Variants in AGAP1 observed in about 807,000 individuals in gnomAD.
AGAP1 encodes the protein ArfGAP with GTPase domain, ankyrin repeat and PH domain 1.
In AGAP1, 29 loss-of-function variants were observed where a neutral mutation model predicts 105.3. That is an observed-to-expected ratio of 0.28 (90% CI 0.21 to 0.38). AGAP1 has a LOEUF of 0.38. Among genes scored for constraint, AGAP1 ranks in the 10% least tolerant of loss-of-function variants. The pLI is 1.00. For missense variants in AGAP1, 998 were observed against 1,165.1 expected (o/e 0.86, Z 2.09); for synonymous variants, 509 against 485.9 (o/e 1.05, Z -0.63).
chr2:236,130,022 A>T lies in AGAP1; in HGVS notation c.*5900A>T, dbSNP rs2060061577. 2 of 152,362 alleles carry T rather than the reference A, an allele frequency of 1.3e-5. No homozygotes were observed. The highest frequency in any genetic ancestry group is 4.1e-4 in the South Asian group (2 of 4,828). The allele number at this position is 152,362 out of a possible 1,614,324, so 9.4% of individuals were successfully genotyped here. ...TGTCTGAGGTCCTCACCCTCTACAGATGGGCCTCAGGGCCTGGAGGTGGGC... is the reference window on the plus strand; with the variant it reads ...TGTCTGAGGTCCTCACCCTCTACAGTTGGGCCTCAGGGCCTGGAGGTGGGC... On this transcript the variant is annotated 3_prime_UTR_variant, in exon 18 of 18. Transcript: ENST00000304032. The surrounding 1 kb of genome is among the most constrained non-coding windows in gnomAD (Gnocchi z 5.8).
intron 13 of AGAP1, among the ~76,000 whole-genome samples, chr2:236,007,683 G>A (rs564494328): frequency 6.6e-6 from 1 of 152,308 alleles, no homozygotes; most frequent in African/African-American, 2.4e-5. Flanking sequence ...TTCTGTTAGA[G>A]GAGATTAAAA....
At chr2:235,696,612 G>A (rs1950009637) in intron 1 of AGAP1, among the ~76,000 whole-genome samples, 1 of 152,196 alleles carries the variant, frequency 6.6e-6, no homozygotes, top group Non-Finnish European at 1.5e-5. Context: ...GATTTGCTGA[G>A]CATTACAACC....
At chr2:235,800,714 G>C (rs1344524307) in intron 8 of AGAP1, among the ~76,000 whole-genome samples, 2 of 152,190 alleles carry the variant, frequency 1.3e-5, no homozygotes, top group Admixed American at 1.3e-4. Context: ...GAAACTTTGG[G>C]CTCTCACAAC....
rs1446359115 is a variant in AGAP1, at chr2:235,747,350, A to T, written c.538+2511A>T. Among the ~76,000 whole-genome samples, 1 of 152,106 alleles carries T rather than the reference A, an allele frequency of 6.6e-6. No homozygotes were observed. Among genetic ancestry groups the T allele is most frequent in the East Asian group, 1.9e-4 (1 of 5,180 alleles). ...AATTCCATGAACATCCGTTGATCGG[A>T]TGTGGAAAGATGCCCAGGAAGGCCC... On this transcript the variant is annotated intron_variant, in intron 5 of 17. Coordinates refer to ENST00000304032, the MANE Select transcript of AGAP1 (RefSeq NM_001037131.3). This position sits in a 1 kb window ranked among gnomAD's most constrained non-coding sequence, Gnocchi z 5.0.
chr2:235,921,187 C>G (rs886725978), intron 11 of AGAP1, among the ~76,000 whole-genome samples: 1 of 151,788 alleles, frequency 6.6e-6, no homozygotes, highest in Non-Finnish European at 1.5e-5. Flanking sequence ...TGGAAACAAC[C>G]AAAACTATCC....
intron 14 of AGAP1, among the ~76,000 whole-genome samples, chr2:236,037,795 T>G (rs1164591650): frequency 6.6e-6 from 1 of 152,192 alleles, no homozygotes. Context: ...TTTCATTATT[T>G]TAATGTTTGT....
In AGAP1 at chr2:236,009,015, G is replaced by A. The variant is rs571028672; in HGVS notation, c.1646-27546G>A. 6.6e-5 allele frequency among the ~76,000 whole-genome samples: 10 copies of A among 152,224 alleles called. No individual in the cohort carries two copies. Among genetic ancestry groups the A allele is most frequent in the Middle Eastern group, 3.4e-3 (1 of 294 alleles). ...TGTCCTATATATTTGCTTGGCCTCGGGTTTTGTTTAATCCCTTCAAAGGCC... is the reference window on the plus strand; with the variant it reads ...TGTCCTATATATTTGCTTGGCCTCGAGTTTTGTTTAATCCCTTCAAAGGCC... On this transcript the variant is annotated intron_variant, in intron 13 of 17. Transcript: ENST00000304032. This position sits in a 1 kb window ranked among gnomAD's most constrained non-coding sequence, Gnocchi z 4.2.
chr2:235,919,640 A>G lies in AGAP1; in HGVS notation c.1324+10734A>G, dbSNP rs967677337. Reference sequence around the variant, plus strand: ...CCTGCTCCTGGAAGGGGACTGTAAAATTCAGAGATGACCGGGGAACGCTCC... The same window carrying G: ...CCTGCTCCTGGAAGGGGACTGTAAAGTTCAGAGATGACCGGGGAACGCTCC... On this transcript the variant is annotated intron_variant, in intron 11 of 17. Coordinates refer to ENST00000304032, the MANE Select transcript of AGAP1 (RefSeq NM_001037131.3). The surrounding 1 kb of genome is among the most constrained non-coding windows in gnomAD (Gnocchi z 4.1). 5.3e-5 allele frequency among the ~76,000 whole-genome samples: 8 copies of G among 152,168 alleles called. No homozygotes were observed. The highest frequency in any genetic ancestry group is 1.0e-4 in the Non-Finnish European group (7 of 68,022).
At chr2:235,718,378 C>T in intron 3 of AGAP1, 1 of 985,606 alleles carries the variant, frequency 1.0e-6, no homozygotes, top group Non-Finnish European at 1.2e-6. Context: ...CCATTCTTTG[C>T]AGATATGGAT....
At chr2:235,722,906 T>A (rs1196172859) in intron 3 of AGAP1, among the ~76,000 whole-genome samples, 1 of 148,800 alleles carries the variant, frequency 6.7e-6, no homozygotes, top group Non-Finnish European at 1.5e-5. Flanking sequence ...AAAAAAAAAA[T>A]TATACACACA....
At chr2:236,068,717 G>A (rs111717675) in intron 16 of AGAP1, among the ~76,000 whole-genome samples, 13 of 146,996 alleles carry the variant, frequency 8.8e-5, no homozygotes, top group African/African-American at 3.0e-4. Context: ...GGAGAATGGC[G>A]TGAACCCGAG....
intron 1 of AGAP1, among the ~76,000 whole-genome samples, chr2:235,604,269 C>T (rs1342806360): frequency 6.6e-6 from 1 of 151,824 alleles, no homozygotes; most frequent in Non-Finnish European, 1.5e-5. Flanking sequence ...TGCTTTACTC[C>T]AGGGATTTGA....
intron 1 of AGAP1, among the ~76,000 whole-genome samples, chr2:235,527,940 C>G (rs1488631447): frequency 1.3e-5 from 2 of 152,222 alleles, no homozygotes; most frequent in African/African-American, 4.8e-5. Context: ...TCACCAAATT[C>G]TGTCTGTATC....
Position 235,744,809 on chromosome 2 carries a change from G to C in AGAP1, c.508G>C (p.Glu170Gln). 1 of 1,614,050 alleles carries C rather than the reference G, an allele frequency of 6.2e-7. No homozygotes were observed. Among genetic ancestry groups the C allele is most frequent in the Non-Finnish European group, 8.5e-7 (1 of 1,180,026 alleles). The part of the protein sequence containing the change: ...SRMANYRNTS[E>Q]IPLVLVGTQD... Reference sequence around the variant, plus strand: ...AATGGCCAACTATCGGAACACGAGCGAGATTCCTCTGGTTCTGGTGGGAAC... The same window carrying C: ...AATGGCCAACTATCGGAACACGAGCCAGATTCCTCTGGTTCTGGTGGGAAC... The change falls in exon 5 of 18, where the codon GAG becomes CAG. Residue 170 changes from glutamate (E) to glutamine (Q), a missense_variant. Transcript: ENST00000304032. The surrounding 1 kb of genome is among the most constrained non-coding windows in gnomAD (Gnocchi z 5.2).
chr2:235,959,243 G>A lies in AGAP1; in HGVS notation c.1484-9219G>A, dbSNP rs972453007. On this transcript the variant is annotated intron_variant, in intron 12 of 17. Coordinates refer to ENST00000304032, the MANE Select transcript of AGAP1 (RefSeq NM_001037131.3). The surrounding 1 kb of genome is among the most constrained non-coding windows in gnomAD (Gnocchi z 7.3). The stretch of plus-strand genomic sequence containing the variant: ...TTCTTTGTATGCAGCCAGGAGGAGC[G>A]GATGGCGCTCCGTGGGCCGGCTGGA... Among the ~76,000 whole-genome samples the A allele has an allele frequency of 2.0e-5, 3 of 152,212 alleles. No homozygotes were observed. Among genetic ancestry groups the A allele is most frequent in the African/African-American group, 4.8e-5 (2 of 41,460 alleles).
In AGAP1 at chr2:236,005,504, T is replaced by C. The variant is rs1584782; in HGVS notation, c.1646-31057T>C. Among the ~76,000 whole-genome samples the C allele has an allele frequency of 0.21, 31,887 of 152,094 alleles. 3,594 individuals are homozygous for C. Among genetic ancestry groups the C allele is most frequent in the South Asian group, 0.28 (1,367 of 4,812 alleles). ...ATTTCTTAGAGTTCATGAGTCAATA[T>C]TGATATGTTTTTATTAAAGTCCACA... On this transcript the variant is annotated intron_variant, in intron 13 of 17. Coordinates refer to ENST00000304032, the MANE Select transcript of AGAP1 (RefSeq NM_001037131.3). The surrounding 1 kb of genome is among the most constrained non-coding windows in gnomAD (Gnocchi z 4.1).
chr2:235,690,541 G>C lies in AGAP1; in HGVS notation c.164-18638G>C, dbSNP rs1949689139. Reference sequence around the variant, plus strand: ...CCGGTAGAGGAGGCTGGCCAACTCAGACACCTAAGCAGCCACATCAGACCC... The same window carrying C: ...CCGGTAGAGGAGGCTGGCCAACTCACACACCTAAGCAGCCACATCAGACCC... On this transcript the variant is annotated intron_variant, in intron 1 of 17. Transcript: ENST00000304032. This position sits in a 1 kb window ranked among gnomAD's most constrained non-coding sequence, Gnocchi z 4.1. Among the ~76,000 whole-genome samples the C allele has an allele frequency of 6.6e-6, 1 of 152,208 alleles. No individual in the cohort carries two copies. Among genetic ancestry groups the C allele is most frequent in the Non-Finnish European group, 1.5e-5 (1 of 68,044 alleles).
At chr2:235,895,797 C>T (rs1176815433) in intron 10 of AGAP1, among the ~76,000 whole-genome samples, 1 of 152,068 alleles carries the variant, frequency 6.6e-6, no homozygotes, top group Non-Finnish European at 1.5e-5. Context: ...TTAAATGTGT[C>T]GGACTAGAGT....
chr2:235,958,942 AT>A lies in AGAP1; in HGVS notation c.1484-9514del, dbSNP rs2054063660. ...GTGATCATTATTGCTCGTATTATAT[AT>A]TTTTTGGGGTGTGCGTTGAACATTG... is the stretch of plus-strand genomic sequence containing the variant. On this transcript the variant is annotated intron_variant, in intron 12 of 17. Coordinates refer to ENST00000304032, the MANE Select transcript of AGAP1 (RefSeq NM_001037131.3). The surrounding 1 kb of genome is among the most constrained non-coding windows in gnomAD (Gnocchi z 4.1). 6.6e-6 allele frequency among the ~76,000 whole-genome samples: 1 copy of A among 152,128 alleles called. No individual in the cohort carries two copies. Among genetic ancestry groups the A allele is most frequent in the Admixed American group, 6.5e-5 (1 of 15,276 alleles).
Sources: allele counts gnomAD v4.1 joint callset (sites outside exome capture counted in the v4.1 genomes callset), GRCh38; gene constraint gnomAD v4.1.1; non-coding constraint Gnocchi (gnomAD v3.1); transcripts MANE v1.5; gene names NCBI Gene and HGNC (gene_info 2026-07-23, HGNC 2026-07-21).